PKIB: variants seen among roughly 807,000 people sequenced by gnomAD.
The protein encoded by PKIB is cAMP-dependent protein kinase inhibitor beta.
In PKIB, 2 loss-of-function variants were observed where a neutral mutation model predicts 4.5. The ratio of observed to expected loss-of-function variants is 0.44; its 90% CI spans 0.18 to 1.39. The LOEUF (loss-of-function observed/expected upper bound fraction) is 1.39. PKIB is among the 40% of genes most tolerant of loss of function. PKIB has a pLI of 0.27. For synonymous variants in PKIB, 38 were observed against 36.0 expected, an observed-to-expected ratio of 1.06 and a Z score of -0.20; for missense variants, 94 against 92.6, an observed-to-expected ratio of 1.02 and a Z score of -0.06.
chr6:122,641,674 G>A (rs944820835), intron 2 of PKIB, among the ~76,000 whole-genome samples: 2 of 151,928 alleles, frequency 1.3e-5, no homozygotes, highest in Non-Finnish European at 2.9e-5. Context: ...TAACTTAGAG[G>A]CATTCCTTGT....
intron 2 of PKIB, among the ~76,000 whole-genome samples, chr6:122,522,533 G>A (rs1215654618): frequency 6.6e-6 from 1 of 152,226 alleles, no homozygotes; most frequent in Non-Finnish European, 1.5e-5. Flanking sequence ...CTTTGTGCTT[G>A]AAGCTCAGGG....
rs913505386 is a variant in PKIB, at chr6:122,570,814, G to T, written c.-247-15107G>T. Among the ~76,000 whole-genome samples the T allele has an allele frequency of 3.3e-5, 5 of 152,144 alleles. 1 individual carries two copies. Among genetic ancestry groups the T allele is most frequent in the African/African-American group, 1.2e-4 (5 of 41,544 alleles). ...AGTCTATCCAAATGAAAAGGAACCA[G>T]AAAAGTAATTCTGGTAATATGACAA... On this transcript the variant is annotated intron_variant, in intron 2 of 6. Transcript: ENST00000392491.
At chr6:122,599,689 A>G (rs182454151) in intron 3 of PKIB, among the ~76,000 whole-genome samples, 27 of 152,300 alleles carry the variant, frequency 1.8e-4, no homozygotes, top group Admixed American at 3.9e-4. Flanking sequence ...TATTATGTAT[A>G]TGGTCACCTC....
intron 1 of PKIB, among the ~76,000 whole-genome samples, chr6:122,477,698 G>A (rs113352694): frequency 3.9e-5 from 6 of 152,206 alleles, no homozygotes; most frequent in African/African-American, 1.4e-4. Context: ...GATCTCAAGC[G>A]ACTTCAGACA....
upstream of PKIB, among the ~76,000 whole-genome samples, chr6:122,607,686 G>A (rs952262021): frequency 6.6e-6 from 1 of 152,080 alleles, no homozygotes; most frequent in African/African-American, 2.4e-5. Flanking sequence ...CCATTTTCTG[G>A]CCTTAAGTGG....
chr6:122,691,602 C>A (rs1325296506), intron 3 of PKIB, among the ~76,000 whole-genome samples: 1 of 142,118 alleles, frequency 7.0e-6, no homozygotes, highest in African/African-American at 2.4e-5. Context: ...CCTGTGTTAT[C>A]TTGATTTTTT....
intron 2 of PKIB, among the ~76,000 whole-genome samples, chr6:122,522,333 T>G (rs1776970139): frequency 6.6e-6 from 1 of 152,142 alleles, no homozygotes; most frequent in African/African-American, 2.4e-5. Context: ...CGGGGTGGGA[T>G]CCACTGAGCA....
chr6:122,472,474 G>A (rs1464947952), intron 1 of PKIB, among the ~76,000 whole-genome samples: 4 of 152,162 alleles, frequency 2.6e-5, no homozygotes, highest in Admixed American at 6.5e-5. Context: ...AATGTCATGA[G>A]CTGTTGAGGC....
At chr6:122,516,516 T>C (rs1776758581) in intron 2 of PKIB, among the ~76,000 whole-genome samples, 1 of 152,202 alleles carries the variant, frequency 6.6e-6, no homozygotes. Flanking sequence ...AATCAATATG[T>C]TCTCCTTGTC....
At chr6:122,536,761 A>G (rs986123304) in intron 2 of PKIB, among the ~76,000 whole-genome samples, 2 of 151,830 alleles carry the variant, frequency 1.3e-5, no homozygotes, top group African/African-American at 4.8e-5. Flanking sequence ...TAATAATATT[A>G]AAACAATGAC....
At chr6:122,715,691 A>C (rs1779461627) in intron 3 of PKIB, among the ~76,000 whole-genome samples, 2 of 151,180 alleles carry the variant, frequency 1.3e-5, no homozygotes, top group Admixed American at 6.6e-5. Flanking sequence ...GAACTTTAAC[A>C]AACTTTTAGA....
chr6:122,520,665 A>AC (rs10650320), intron 2 of PKIB, among the ~76,000 whole-genome samples: 57,492 of 107,736 alleles, frequency 0.53, 13,602 homozygotes, highest in South Asian at 0.65. Context: ...TTATGTTCCC[A>AC]CCCCCCCCCC....
intron 2 of PKIB, among the ~76,000 whole-genome samples, chr6:122,498,240 C>G (rs77793851): frequency 6.6e-6 from 1 of 152,212 alleles, no homozygotes; most frequent in South Asian, 2.1e-4. Flanking sequence ...AGAAGGTGTA[C>G]AGCACACCTC....
chr6:122,491,003 A>G (rs951930872), intron 2 of PKIB, among the ~76,000 whole-genome samples: 1 of 152,188 alleles, frequency 6.6e-6, no homozygotes, highest in Non-Finnish European at 1.5e-5. Context: ...CTCAGAAGAA[A>G]AAATTTGAGG....
At chr6:122,574,597 A>G (rs1206496933) in intron 2 of PKIB, among the ~76,000 whole-genome samples, 1 of 152,186 alleles carries the variant, frequency 6.6e-6, no homozygotes, top group Admixed American at 6.5e-5. Flanking sequence ...AGAACCCAGA[A>G]GTAAAGCCAA....
intron 1 of PKIB, among the ~76,000 whole-genome samples, chr6:122,623,052 C>G (rs1321232996): frequency 6.6e-6 from 1 of 152,150 alleles, no homozygotes; most frequent in Non-Finnish European, 1.5e-5. Flanking sequence ...TAAGCCAGAG[C>G]AAACATTTAT....
At chr6:122,563,875 G>A (rs980320846) in intron 2 of PKIB, among the ~76,000 whole-genome samples, 5 of 152,046 alleles carry the variant, frequency 3.3e-5, no homozygotes, top group African/African-American at 4.8e-5. Flanking sequence ...GAAATCTCCC[G>A]CCTCCCAGCT....
chr6:122,517,647 T>C (rs1776802630), intron 2 of PKIB, among the ~76,000 whole-genome samples: 1 of 152,220 alleles, frequency 6.6e-6, no homozygotes, highest in African/African-American at 2.4e-5. Context: ...TAGATAACTT[T>C]GCTACGAAAT....
At chr6:122,553,231 A>G (rs1437773094) in intron 2 of PKIB, among the ~76,000 whole-genome samples, 7 of 151,996 alleles carry the variant, frequency 4.6e-5, no homozygotes, top group African/African-American at 7.2e-5. Flanking sequence ...TTCTGCTCCT[A>G]ACCTCTAAAT....
Sources: gnomAD v4.1 joint callset for allele counts (sites outside exome capture counted in the v4.1 genomes callset) on GRCh38, gnomAD v4.1.1 for gene constraint, MANE v1.5 for transcripts, NCBI Gene and HGNC (gene_info 2026-07-23, HGNC 2026-07-21) for gene names.